The following AGAP1 variants were observed in gnomAD, a reference collection of about 807,000 sequenced individuals.
AGAP1 encodes the protein ArfGAP with GTPase domain, ankyrin repeat and PH domain 1.
In AGAP1, 29 loss-of-function variants were observed where a neutral mutation model predicts 105.3. That is an observed-to-expected ratio of 0.28 (90% confidence interval 0.21 to 0.38). The LOEUF is 0.38. AGAP1 is among the 10% of genes least tolerant of loss of function. The pLI, the probability that AGAP1 is intolerant of heterozygous loss-of-function variation, is 1.00. For missense variants in AGAP1, 998 were observed against 1,165.1 expected, an observed-to-expected ratio of 0.86 and a Z score of 2.09; for synonymous variants, 509 against 485.9, an observed-to-expected ratio of 1.05 and a Z score of -0.63.
intron 1 of AGAP1, among the ~76,000 whole-genome samples, chr2:235,495,990 G>A (rs758603887): frequency 4.6e-5 from 7 of 152,230 alleles, no homozygotes; most frequent in African/African-American, 1.4e-4. Flanking sequence ...TGGTGCTGGC[G>A]TTGCCCAGCC....
chr2:235,718,878 A>G (rs1471592549), intron 3 of AGAP1, among the ~76,000 whole-genome samples: 1 of 152,230 alleles, frequency 6.6e-6, no homozygotes, highest in African/African-American at 2.4e-5. Flanking sequence ...GATTTGGAGA[A>G]ATGAGCAAAG....
In AGAP1 at chr2:235,636,430, C is replaced by T. The variant is rs182295095; in HGVS notation, c.164-72749C>T. On this transcript the variant is annotated intron_variant, in intron 1 of 17. Transcript: ENST00000304032. The stretch of plus-strand genomic sequence containing the variant: ...TTTACACCCAGGAGAAAGCCCTTCG[C>T]TGTGGATGTGTTCATGCCTGTGGAA... Among the ~76,000 whole-genome samples, 79 of 152,198 alleles carry T rather than the reference C, an allele frequency of 5.2e-4. 1 individual carries two copies. Among genetic ancestry groups the T allele is most frequent in the Non-Finnish European group, 1.0e-3 (71 of 68,042 alleles).
Position 235,660,430 on chromosome 2 carries a change from G to T in AGAP1, c.164-48749G>T, listed in dbSNP as rs77764896. Among the ~76,000 whole-genome samples, 230 of 152,280 alleles carry T rather than the reference G, an allele frequency of 1.5e-3. 3 individuals carry two copies. In the East Asian group the frequency reaches 0.038, roughly 25 times the overall value. On this transcript the variant is annotated intron_variant, in intron 1 of 17. Coordinates refer to ENST00000304032, the MANE Select transcript of AGAP1 (RefSeq NM_001037131.3). The surrounding 1 kb of genome is among the most constrained non-coding windows in gnomAD (Gnocchi z 5.3). ...TTTATTAAGTAGAACATTGATAAGGGCTTGAGGGTGAGAGAAGTTGTCCTT... is the reference window on the plus strand; with the variant it reads ...TTTATTAAGTAGAACATTGATAAGGTCTTGAGGGTGAGAGAAGTTGTCCTT...
chr2:235,895,697 T>TG (rs2050768291), intron 10 of AGAP1, among the ~76,000 whole-genome samples: 1 of 143,466 alleles, frequency 7.0e-6, no homozygotes, highest in Admixed American at 7.1e-5. Flanking sequence ...AACACTGGCT[T>TG]GTTGGATGGA....
At chr2:235,972,721 AG>A (rs1473721356) in intron 13 of AGAP1, among the ~76,000 whole-genome samples, 2 of 152,192 alleles carry the variant, frequency 1.3e-5, no homozygotes, top group African/African-American at 4.8e-5. Flanking sequence ...GTTGGCTCCC[AG>A]GACCAAGACA....
At chr2:235,935,624 C>T (rs1469136438) in intron 12 of AGAP1, among the ~76,000 whole-genome samples, 1 of 152,156 alleles carries the variant, frequency 6.6e-6, no homozygotes, top group Non-Finnish European at 1.5e-5. Flanking sequence ...ACTTATAATC[C>T]TGGGTGAAAG....
rs1447780472 is a variant in AGAP1 at position 236,076,854 on chromosome 2, C to G, written c.2114+27573C>G. On this transcript the variant is annotated intron_variant, in intron 16 of 17. Coordinates refer to ENST00000304032, the MANE Select transcript of AGAP1 (RefSeq NM_001037131.3). The surrounding 1 kb of genome is among the most constrained non-coding windows in gnomAD (Gnocchi z 4.4). ...AGCACAGGGTCTCATGCCTGTAATCCCAGCACTTTGGGAGGCCAAGGTGGG... is the reference window on the plus strand; with the variant it reads ...AGCACAGGGTCTCATGCCTGTAATCGCAGCACTTTGGGAGGCCAAGGTGGG... Among the ~76,000 whole-genome samples the G allele has an allele frequency of 6.6e-6, 1 of 151,682 alleles. No individual in the cohort carries two copies. The highest frequency in any genetic ancestry group is 1.5e-5 in the Non-Finnish European group (1 of 67,944).
chr2:235,857,523 C>T (rs1317712090), intron 9 of AGAP1, among the ~76,000 whole-genome samples: 3 of 152,208 alleles, frequency 2.0e-5, no homozygotes, highest in Non-Finnish European at 4.4e-5. Context: ...GTCCGTTGAG[C>T]AGCTTCCCAC....
intron 1 of AGAP1, among the ~76,000 whole-genome samples, chr2:235,644,633 C>T (rs865841717): frequency 4.6e-4 from 70 of 152,296 alleles, no homozygotes; most frequent in African/African-American, 1.3e-3. Context: ...AAGTCAGGCG[C>T]TTGGCCACCA....
intron 16 of AGAP1, among the ~76,000 whole-genome samples, chr2:236,074,756 C>T (rs2058592141): frequency 6.6e-6 from 1 of 152,088 alleles, no homozygotes; most frequent in Non-Finnish European, 1.5e-5. Context: ...AGGTTGAGTT[C>T]TCAGTGAAAG....
chr2:236,052,277 A>T (rs1391913995), intron 16 of AGAP1, among the ~76,000 whole-genome samples: 1 of 152,206 alleles, frequency 6.6e-6, no homozygotes, highest in Admixed American at 6.5e-5. Context: ...TCATTCTGAC[A>T]GTGGAATATA....
rs988750489 is a variant in AGAP1 at position 235,983,856 on chromosome 2, A to G, written c.1645+15233A>G. Among the ~76,000 whole-genome samples, 6 of 152,364 alleles carry G rather than the reference A, an allele frequency of 3.9e-5. No individual in the cohort carries two copies. Among genetic ancestry groups the G allele is most frequent in the African/African-American group, 1.2e-4 (5 of 41,590 alleles). On this transcript the variant is annotated intron_variant, in intron 13 of 17. Transcript: ENST00000304032. The surrounding 1 kb of genome is among the most constrained non-coding windows in gnomAD (Gnocchi z 4.5). ...CACAATGACAAAATCGCCTAACGAC[A>G]CATTTCTCAGAATGCATCACTTAAC...
intron 12 of AGAP1, among the ~76,000 whole-genome samples, chr2:235,933,748 G>A (rs1252978735): frequency 6.6e-6 from 1 of 151,686 alleles, no homozygotes; most frequent in East Asian, 1.9e-4. Context: ...GGCCGGGATG[G>A]TCTCAATCTC....
Position 236,001,172 on chromosome 2 carries a change from G to A in AGAP1, c.1645+32549G>A, listed in dbSNP as rs2056105165. 6.6e-6 allele frequency among the ~76,000 whole-genome samples: 1 copy of A among 152,198 alleles called. No homozygotes were observed. Among genetic ancestry groups the A allele is most frequent in the South Asian group, 2.1e-4 (1 of 4,836 alleles). On this transcript the variant is annotated intron_variant, in intron 13 of 17. Coordinates refer to ENST00000304032, the MANE Select transcript of AGAP1 (RefSeq NM_001037131.3). The surrounding 1 kb of genome is among the most constrained non-coding windows in gnomAD (Gnocchi z 4.7). ...GCGGTGGCTGGGGCAGCGCGGCTGT[G>A]GGGCAGAGAATGCTGAGATAAACGC...
In AGAP1 at chr2:235,596,046, G is replaced by C. The variant is rs555711545; in HGVS notation, c.163+101197G>C. Among the ~76,000 whole-genome samples the C allele has an allele frequency of 3.3e-4, 51 of 152,286 alleles. No individual in the cohort carries two copies. The highest frequency in any genetic ancestry group is 1.2e-3 in the African/African-American group (48 of 41,570). ...GCTCCTGGAAGTGGTTGTGAAAATCGCAGCCCTGTGAATTGTGTGCCCTAA... is the reference window on the plus strand; with the variant it reads ...GCTCCTGGAAGTGGTTGTGAAAATCCCAGCCCTGTGAATTGTGTGCCCTAA... On this transcript the variant is annotated intron_variant, in intron 1 of 17. Coordinates refer to ENST00000304032, the MANE Select transcript of AGAP1 (RefSeq NM_001037131.3). This position sits in a 1 kb window ranked among gnomAD's most constrained non-coding sequence, Gnocchi z 5.9.
chr2:235,811,065 A>G (rs917578010), intron 9 of AGAP1, among the ~76,000 whole-genome samples: 11 of 152,182 alleles, frequency 7.2e-5, no homozygotes, highest in Non-Finnish European at 1.3e-4. Context: ...AATGAAGTAC[A>G]AATGAGCCCG....
intron 6 of AGAP1, among the ~76,000 whole-genome samples, chr2:235,780,363 A>G (rs1329617103): frequency 6.6e-6 from 1 of 152,182 alleles, no homozygotes; most frequent in African/African-American, 2.4e-5. Context: ...AAACTTAGTA[A>G]TACTAATAAA....
rs1474519957 is a variant in AGAP1 at position 236,020,466 on chromosome 2, G to A, written c.1646-16095G>A. On this transcript the variant is annotated intron_variant, in intron 13 of 17. Coordinates refer to ENST00000304032, the MANE Select transcript of AGAP1 (RefSeq NM_001037131.3). This position sits in a 1 kb window ranked among gnomAD's most constrained non-coding sequence, Gnocchi z 5.0. ...TGCTGTCATCTGAGAAGAATCGTCA[G>A]TTGTAGAAATTTGGCTAAAAGCGTG... 2.6e-5 allele frequency among the ~76,000 whole-genome samples: 4 copies of A among 152,224 alleles called. No homozygotes were observed. Among genetic ancestry groups the A allele is most frequent in the African/African-American group, 9.6e-5 (4 of 41,456 alleles).
At chr2:235,561,890 C>A (rs952453056) in intron 1 of AGAP1, among the ~76,000 whole-genome samples, 6 of 152,152 alleles carry the variant, frequency 3.9e-5, no homozygotes, top group Admixed American at 6.5e-5. Context: ...CCCAGTTGGA[C>A]TTCTGTCATA....
Sources: gnomAD v4.1 joint callset for allele counts (sites outside exome capture counted in the v4.1 genomes callset) on GRCh38, gnomAD v4.1.1 for gene constraint, Gnocchi (gnomAD v3.1) non-coding constraint, MANE v1.5 for transcripts, NCBI Gene and HGNC (gene_info 2026-07-23, HGNC 2026-07-21) for gene names.